Variants in RBFOX1 observed in about 807,000 individuals in gnomAD.
The protein encoded by RBFOX1 is RNA binding protein fox-1 homolog 1.
RBFOX1 carries 8 observed loss-of-function variants against 57.7 expected under a neutral mutation model. That is an observed-to-expected ratio of 0.14 (90% CI 0.08 to 0.25). The LOEUF (loss-of-function observed/expected upper bound fraction) is 0.25, where lower values mean the gene tolerates loss of function less well. RBFOX1 is among the 10% of genes least tolerant of loss of function. The pLI is 1.00. For synonymous variants in RBFOX1, 326 were observed against 222.4 expected, an observed-to-expected ratio of 1.47 and a Z score of -4.15; for missense variants, 611 against 548.5, an observed-to-expected ratio of 1.11 and a Z score of -1.14.
chr16:6,869,885 C>A (rs1335519332), intron 3 of RBFOX1, among the ~76,000 whole-genome samples: 1 of 152,144 alleles, frequency 6.6e-6, no homozygotes. Context: ...GTATATGTCT[C>A]CCCGCAGTAA....
At chr16:5,539,345 C>A (rs2044836602) in intron 2 of RBFOX1, among the ~76,000 whole-genome samples, 1 of 151,446 alleles carries the variant, frequency 6.6e-6, no homozygotes, top group African/African-American at 2.4e-5. Flanking sequence ...GTAATCCCAG[C>A]ACTTTGGGAG....
At chr16:5,909,133 C>T (rs570673992) in intron 4 of RBFOX1, among the ~76,000 whole-genome samples, 1 of 128,104 alleles carries the variant, frequency 7.8e-6, no homozygotes, top group African/African-American at 3.0e-5. Flanking sequence ...TGCTGTGTCA[C>T]CTAGGCTGGA....
rs577505496 is a variant in RBFOX1 at position 5,884,611 on chromosome 16, C to G, written c.351+17276C>G. On this transcript the variant is annotated intron_variant, in intron 4 of 19. Coordinates refer to the RBFOX1 transcript ENST00000641259. ...GACTTTTTCCAACGTAGCCATAAGC[C>G]TTTCCCGTGGATTGCTCATCCCCAT... Among the ~76,000 whole-genome samples, 8 of 152,228 alleles carry G rather than the reference C, an allele frequency of 5.3e-5. No individual in the cohort carries two copies. The South Asian group carries it at 1.5e-3, about 28-fold the overall frequency.
At chr16:7,118,868 A>T (rs758053972) in intron 4 of RBFOX1, among the ~76,000 whole-genome samples, 33 of 152,180 alleles carry the variant, frequency 2.2e-4, no homozygotes, top group Non-Finnish European at 4.4e-4. Context: ...AATAGAGCAC[A>T]TAGAGAACTT....
At position 5,759,169 on chromosome 16, in the gene RBFOX1, C is replaced by A. The variant is rs144864933; in HGVS notation, c.319-108134C>A. Reference sequence around the variant, plus strand: ...GGCAGTATCAGTAGGGGTTCATTAGCCTAACTTCCTATCCACGAAGGCAAG... The same window carrying A: ...GGCAGTATCAGTAGGGGTTCATTAGACTAACTTCCTATCCACGAAGGCAAG... On this transcript the variant is annotated intron_variant, in intron 3 of 19. Coordinates refer to the RBFOX1 transcript ENST00000641259. Among the ~76,000 whole-genome samples the A allele has an allele frequency of 3.2e-3, 481 of 152,288 alleles. 4 individuals carry two copies. The highest frequency in any genetic ancestry group is 0.017 in the Middle Eastern group (5 of 294).
chr16:7,532,503 G>C (rs1012102476), intron 5 of RBFOX1, among the ~76,000 whole-genome samples: 10 of 152,190 alleles, frequency 6.6e-5, no homozygotes, highest in Non-Finnish European at 1.2e-4. Context: ...AAGGGAGGAC[G>C]TGAGTTGGAT....
intron 2 of RBFOX1, among the ~76,000 whole-genome samples, chr16:6,519,529 C>T (rs767189044): frequency 7.2e-5 from 11 of 152,036 alleles, no homozygotes; most frequent in South Asian, 4.2e-4. Context: ...GACAAAACCC[C>T]GTCTGCACTA....
At chr16:6,678,551 G>C (rs1311576308) in intron 3 of RBFOX1, among the ~76,000 whole-genome samples, 1 of 151,420 alleles carries the variant, frequency 6.6e-6, no homozygotes, top group African/African-American at 2.4e-5. Context: ...AAAGATTTGA[G>C]ATTTCTCTTT....
At chr16:6,460,040 T>C (rs1036253341) in intron 2 of RBFOX1, among the ~76,000 whole-genome samples, 17 of 140,250 alleles carry the variant, frequency 1.2e-4, no homozygotes, top group African/African-American at 3.9e-4. Context: ...TCTTGCTCTT[T>C]CTCATGAATA....
intron 10 of RBFOX1, among the ~76,000 whole-genome samples, chr16:7,609,600 A>G (rs1353181978): frequency 6.6e-6 from 1 of 152,192 alleles, no homozygotes. Context: ...GATACTTTCT[A>G]TGGGCCAGCA....
chr16:6,935,644 C>T (rs2077238899), intron 3 of RBFOX1, among the ~76,000 whole-genome samples: 1 of 152,186 alleles, frequency 6.6e-6, no homozygotes, highest in African/African-American at 2.4e-5. Flanking sequence ...ACATACTTTG[C>T]TGACATCTTA....
intron 2 of RBFOX1, among the ~76,000 whole-genome samples, chr16:6,624,709 A>T (rs934594322): frequency 5.3e-5 from 8 of 152,140 alleles, no homozygotes; most frequent in Non-Finnish European, 1.2e-4. Flanking sequence ...GTCGTTGTAA[A>T]ACAAAGAAAG....
chr16:5,811,127 A>C (rs1439903603), intron 3 of RBFOX1, among the ~76,000 whole-genome samples: 1 of 150,314 alleles, frequency 6.7e-6, no homozygotes, highest in Non-Finnish European at 1.5e-5. Flanking sequence ...TATATAAATG[A>C]AATCTTATGG....
At chr16:7,287,431 A>C (rs932399195) in intron 4 of RBFOX1, among the ~76,000 whole-genome samples, 1 of 152,230 alleles carries the variant, frequency 6.6e-6, no homozygotes, top group Non-Finnish European at 1.5e-5. Context: ...ATCACCATCA[A>C]ACTTGCTCTA....
At chr16:7,038,756 T>A (rs35974847) in intron 3 of RBFOX1, among the ~76,000 whole-genome samples, 14,674 of 152,174 alleles carry the variant, frequency 0.096, 1,171 homozygotes, top group East Asian at 0.32. Flanking sequence ...TCTTGCTCAA[T>A]GTTTGTCTGT....
chr16:6,974,675 G>T (rs1429589642), intron 3 of RBFOX1, among the ~76,000 whole-genome samples: 2 of 152,090 alleles, frequency 1.3e-5, no homozygotes, highest in East Asian at 3.9e-4. Context: ...TGCATTTCTG[G>T]AAGACCATCA....
intron 3 of RBFOX1, among the ~76,000 whole-genome samples, chr16:6,683,585 A>G (rs144291462): frequency 1.3e-5 from 2 of 152,182 alleles, no homozygotes; most frequent in African/African-American, 2.4e-5. Context: ...ACGTGTATAC[A>G]TGTGTGTGTG....
At chr16:6,985,074 C>G (rs13335477) in intron 3 of RBFOX1, among the ~76,000 whole-genome samples, 1 of 136,176 alleles carries the variant, frequency 7.3e-6, no homozygotes, top group African/African-American at 2.7e-5. Flanking sequence ...TTTCATTTCT[C>G]AAGATTCTGG....
chr16:7,573,681 A>G (rs1375286049), intron 5 of RBFOX1, among the ~76,000 whole-genome samples: 1 of 151,936 alleles, frequency 6.6e-6, no homozygotes, highest in Non-Finnish European at 1.5e-5. Flanking sequence ...TAAAAATACA[A>G]AAATGAGCCA....
Sources: allele counts gnomAD v4.1 joint callset (sites outside exome capture counted in the v4.1 genomes callset), GRCh38; gene constraint gnomAD v4.1.1; transcripts MANE v1.5; gene names NCBI Gene and HGNC (gene_info 2026-07-23, HGNC 2026-07-21).